GATAD2B: variants seen among roughly 807,000 people sequenced by gnomAD.
The protein encoded by GATAD2B is transcriptional repressor p66-beta.
In GATAD2B, 8 loss-of-function variants were observed where a neutral mutation model predicts 64.3. The observed-to-expected ratio is 0.12, with a 90% confidence interval of 0.07 to 0.22. GATAD2B has a LOEUF of 0.22. Among genes scored for constraint, GATAD2B ranks in the 10% least tolerant of loss-of-function variants. The pLI is 1.00. For missense variants in GATAD2B, 453 were observed against 752.0 expected, an observed-to-expected ratio of 0.60 and a Z score of 4.65; for synonymous variants, 281 against 271.3, an observed-to-expected ratio of 1.04 and a Z score of -0.35.
chr1:153,856,956 T>C (rs1292271390), intron 1 of GATAD2B, among the ~76,000 whole-genome samples: 1 of 152,004 alleles, frequency 6.6e-6, no homozygotes, highest in African/African-American at 2.4e-5. Context: ...ATGCAGATGA[T>C]AGGGTTTCAT....
intron 1 of GATAD2B, among the ~76,000 whole-genome samples, chr1:153,839,102 C>A (rs1251280129): frequency 9.6e-5 from 7 of 72,620 alleles, no homozygotes; most frequent in Non-Finnish European, 2.4e-5. Flanking sequence ...GAACGAGACC[C>A]TGTCTCAAAA....
intron 1 of GATAD2B, among the ~76,000 whole-genome samples, chr1:153,861,809 T>TATATATATATATATATATATATAC (rs1294838675): frequency 8.2e-6 from 1 of 122,192 alleles, no homozygotes; most frequent in African/African-American, 3.0e-5. Flanking sequence ...TATATATATA[T>TATATATATATATATATATATATAC]ACACATATGT....
chr1:153,813,204 A>G, intron 8 of GATAD2B, 46 bp downstream of exon 8: 1 of 1,539,472 alleles, frequency 6.5e-7, no homozygotes, highest in Non-Finnish European at 9.0e-7. Flanking sequence ...ACCCTTTGGA[A>G]AAAACAAACT....
intron 1 of GATAD2B, among the ~76,000 whole-genome samples, chr1:153,870,014 G>T (rs116494188): frequency 2.0e-5 from 3 of 151,880 alleles, no homozygotes; most frequent in Admixed American, 2.0e-4. Context: ...GCACAATCTC[G>T]GCTCACTGCA....
chr1:153,890,418 G>A (rs1415504048), intron 1 of GATAD2B, among the ~76,000 whole-genome samples: 1 of 150,746 alleles, frequency 6.6e-6, no homozygotes, highest in African/African-American at 2.4e-5. Context: ...AACCCAGGAG[G>A]CAGAGGTTGC....
intron 1 of GATAD2B, among the ~76,000 whole-genome samples, chr1:153,857,958 A>G (rs1282022001): frequency 2.6e-5 from 4 of 152,182 alleles, no homozygotes; most frequent in Non-Finnish European, 5.9e-5. Flanking sequence ...TAGTATTGTA[A>G]GAAATACAAA....
At chr1:153,842,320 C>T (rs1486519475) in intron 1 of GATAD2B, among the ~76,000 whole-genome samples, 2 of 152,120 alleles carry the variant, frequency 1.3e-5, no homozygotes, top group Non-Finnish European at 2.9e-5. Context: ...GAGCTCTTTG[C>T]TGTTCCTTTT....
chr1:153,884,367 C>T (rs1677100809), intron 1 of GATAD2B, among the ~76,000 whole-genome samples: 1 of 152,030 alleles, frequency 6.6e-6, no homozygotes, highest in Non-Finnish European at 1.5e-5. Context: ...GGCCTGAACC[C>T]GGGAGGCAGA....
chr1:153,814,479 A>T (rs187569218), intron 7 of GATAD2B, among the ~76,000 whole-genome samples: 2 of 152,204 alleles, frequency 1.3e-5, no homozygotes, highest in Non-Finnish European at 2.9e-5. Flanking sequence ...CACATTAAAA[A>T]CAGAAGTTCC....
chr1:153,863,480 C>G (rs1271105046), intron 1 of GATAD2B, among the ~76,000 whole-genome samples: 1 of 145,776 alleles, frequency 6.9e-6, no homozygotes, highest in Non-Finnish European at 1.5e-5. Context: ...TGGGTGACGA[C>G]AGTGAACCTC....
At chr1:153,877,769 C>A (rs530665463) in intron 1 of GATAD2B, among the ~76,000 whole-genome samples, 2 of 150,942 alleles carry the variant, frequency 1.3e-5, no homozygotes, top group East Asian at 3.9e-4. Context: ...TCCCAGCTAC[C>A]TGGGAGGCTG....
intron 1 of GATAD2B, among the ~76,000 whole-genome samples, chr1:153,922,464 C>T (rs1571016721): frequency 6.7e-6 from 1 of 148,188 alleles, no homozygotes; most frequent in Non-Finnish European, 1.5e-5. Flanking sequence ...AAGTGAAAGA[C>T]CGGGTCGCGC....
intron 1 of GATAD2B, among the ~76,000 whole-genome samples, chr1:153,855,863 T>G (rs952143784): frequency 6.6e-6 from 1 of 151,986 alleles, no homozygotes; most frequent in Admixed American, 6.6e-5. Context: ...TTGTATTTTT[T>G]GTAAAGATGG....
At position 153,873,865 on chromosome 1, in the gene GATAD2B, C is replaced by A. The variant is rs115346819; in HGVS notation, c.-1-45517G>T. Among the ~76,000 whole-genome samples, 1,321 of 152,328 alleles carry A rather than the reference C, an allele frequency of 8.7e-3. 10 individuals are homozygous for A. The highest frequency in any genetic ancestry group is 0.014 in the Non-Finnish European group (965 of 68,032). ...TTGAGAGGCTGAGGCAGGAGGACTG[C>A]TTGAGCCTAGGAGTTCAAGGCTACA... On this transcript the variant is annotated intron_variant, in intron 1 of 10. Transcript: ENST00000368655.
chr1:153,869,468 T>C (rs1260098607), intron 1 of GATAD2B, among the ~76,000 whole-genome samples: 2 of 152,222 alleles, frequency 1.3e-5, no homozygotes, highest in Non-Finnish European at 2.9e-5. Flanking sequence ...CCATGGGTTA[T>C]AATCTATTTA....
Position 153,809,956 on chromosome 1 carries a change from A to G in GATAD2B, c.*221T>C, listed in dbSNP as rs2101873225. Reference sequence around the variant, plus strand: ...AAAGAAAACTGAAGAGAGAAGACAGAGCGGCAGAAGAACAGATCGCAGCAG... The same window carrying G: ...AAAGAAAACTGAAGAGAGAAGACAGGGCGGCAGAAGAACAGATCGCAGCAG... On this transcript the variant is annotated 3_prime_UTR_variant, in exon 11 of 11. Transcript: ENST00000368655. 1 of 467,614 alleles carries G rather than the reference A, an allele frequency of 2.1e-6. No homozygotes were observed. The highest frequency in any genetic ancestry group is 3.8e-6 in the Non-Finnish European group (1 of 265,592). The allele number at this position is 467,614 out of a possible 1,614,324, so 29.0% of individuals were successfully genotyped here.
At chr1:153,810,381 C>G (rs1674253617) in intron 10 of GATAD2B, 71 bp from the exon 11 acceptor site, 2 of 1,512,222 alleles carry the variant, frequency 1.3e-6, no homozygotes, top group Admixed American at 1.9e-5. Context: ...ACTCTACCCT[C>G]GGGCTGCAGA....
chr1:153,919,953 TG>T (rs1678381993), intron 1 of GATAD2B, among the ~76,000 whole-genome samples: 2 of 152,266 alleles, frequency 1.3e-5, no homozygotes, highest in Admixed American at 1.3e-4. Context: ...CTCTAGCAGT[TG>T]TTTTAATCAA....
At chr1:153,909,073 C>T (rs1237926602) in intron 1 of GATAD2B, among the ~76,000 whole-genome samples, 1 of 152,084 alleles carries the variant, frequency 6.6e-6, no homozygotes, top group East Asian at 1.9e-4. Flanking sequence ...GGTATGGTGG[C>T]ATGTGCCTGT....
Sources: gnomAD v4.1 joint callset for allele counts (sites outside exome capture counted in the v4.1 genomes callset) on GRCh38, gnomAD v4.1.1 for gene constraint, MANE v1.5 for transcripts, NCBI Gene and HGNC (gene_info 2026-07-23, HGNC 2026-07-21) for gene names.